SAFB: variants seen among roughly 807,000 people sequenced by gnomAD.
The protein encoded by SAFB is scaffold attachment factor B.
A neutral mutation model predicts 101.6 loss-of-function variants in SAFB; 15 were observed. The ratio of observed to expected loss-of-function variants is 0.15; its 90% CI spans 0.10 to 0.23. The LOEUF is 0.23. Ranked by LOEUF, SAFB falls within the 10% of genes least tolerant of loss-of-function variation. The pLI, the probability that SAFB is intolerant of heterozygous loss-of-function variation, is 1.00. For missense variants in SAFB, 930 were observed against 1,104.1 expected (o/e 0.84, Z 2.23); for synonymous variants, 449 against 407.5 (o/e 1.10, Z -1.23).
chr19:5,657,050 T>G (rs1181655072), intron 13 of SAFB, among the ~76,000 whole-genome samples, 191 bp from the exon 14 acceptor site: 1 of 151,782 alleles, frequency 6.6e-6, no homozygotes, highest in Admixed American at 6.6e-5. Flanking sequence ...GGATTACAGG[T>G]GTGAGCCACT....
chr19:5,656,725 C>T (rs1038242659), intron 13 of SAFB, among the ~76,000 whole-genome samples: 6 of 151,570 alleles, frequency 4.0e-5, no homozygotes, highest in Admixed American at 1.3e-4. Context: ...TACAAGCATG[C>T]GCCACCATGC....
chr19:5,623,985 T>C (rs1029849463), intron 1 of SAFB: 1 of 152,344 alleles, frequency 6.6e-6, no homozygotes, highest in Non-Finnish European at 1.5e-5. Flanking sequence ...CGGTACTCGC[T>C]CGGTGAAGTA....
intron 2 of SAFB, among the ~76,000 whole-genome samples, chr19:5,630,163 A>G (rs556256113): frequency 3.3e-5 from 5 of 152,348 alleles, no homozygotes; most frequent in African/African-American, 1.2e-4. Context: ...GTTGCCTGTT[A>G]TATAGAAGAA....
chr19:5,664,918 C>G, intron 17 of SAFB: 1 of 166,642 alleles, frequency 6.0e-6, no homozygotes, highest in African/African-American at 2.4e-5. Flanking sequence ...TGCTCATTCT[C>G]TTCGGGGGCT....
chr19:5,645,810 A>T (rs1216497715), intron 5 of SAFB, among the ~76,000 whole-genome samples: 1 of 152,144 alleles, frequency 6.6e-6, no homozygotes, highest in African/African-American at 2.4e-5. Flanking sequence ...TTGAGGGTTG[A>T]CAGAGCCCTG....
At chr19:5,660,266 C>T (rs988924028) in intron 14 of SAFB, among the ~76,000 whole-genome samples, 16 of 145,538 alleles carry the variant, frequency 1.1e-4, no homozygotes, top group Admixed American at 9.7e-4. Flanking sequence ...ACTTCTAATA[C>T]AATGAAAATG....
intron 11 of SAFB, 130 bp downstream of exon 11, chr19:5,653,550 C>T (rs2053987936): frequency 1.3e-6 from 1 of 744,138 alleles, no homozygotes; most frequent in Non-Finnish European, 2.2e-6. Context: ...CACCTCAACT[C>T]CACCTCCTGG....
chr19:5,647,933 T>C, intron 5 of SAFB, 83 bp from the exon 6 acceptor site: 1 of 1,256,638 alleles, frequency 8.0e-7, no homozygotes, highest in Non-Finnish European at 1.2e-6. Context: ...TAAAATTCCC[T>C]CTTTAGTTAT....
chr19:5,656,926 A>G (rs914553999), intron 13 of SAFB, among the ~76,000 whole-genome samples: 2 of 151,972 alleles, frequency 1.3e-5, no homozygotes, highest in African/African-American at 4.8e-5. Context: ...TCCCACCACT[A>G]TGCCCGGCTA....
intron 14 of SAFB, among the ~76,000 whole-genome samples, chr19:5,661,071 G>A (rs551901983): frequency 6.7e-6 from 1 of 149,990 alleles, no homozygotes; most frequent in South Asian, 2.1e-4. Flanking sequence ...GTGCGTGCGT[G>A]CCACCATGCC....
Position 5,667,822 on chromosome 19 carries a change from G to A in SAFB, c.2560G>A (p.Gly854Ser). The A allele has an allele frequency of 6.2e-7, 1 of 1,614,114 alleles. No individual in the cohort carries two copies. The highest frequency in any genetic ancestry group is 1.1e-5 in the South Asian group (1 of 91,074). The change falls in exon 20 of 21, where the codon GGC (glycine) becomes AGC (serine). Residue 854 changes from glycine to serine, a missense_variant and splice_region_variant. Around this residue, in one of 7 missense-constraint regions of SAFB, gnomAD observed 318 missense variants for 342.6 expected, o/e 0.93. Transcript: ENST00000588852. This position sits in a 1 kb window ranked among gnomAD's most constrained non-coding sequence, Gnocchi z 4.0. The stretch of plus-strand genomic sequence containing the variant: ...GTGAAAGCACGTCTGTCTTCCAGGT[G>A]GCGAGAGAAGCATGTCCGGTCACTC... The part of the protein sequence containing the change: ...MDRDHKRWQG[G>S]ERSMSGHSGP...
chr19:5,653,568 C>T, intron 11 of SAFB, 148 bp downstream of exon 11: 2 of 673,622 alleles, frequency 3.0e-6, no homozygotes, highest in Admixed American at 2.7e-5. Flanking sequence ...TGGGTTCAAG[C>T]AATTCTCCTG....
chr19:5,633,733 T>G (rs997194281), intron 2 of SAFB, among the ~76,000 whole-genome samples: 2 of 150,134 alleles, frequency 1.3e-5, no homozygotes, highest in African/African-American at 4.9e-5. Flanking sequence ...GAGCCGAGAT[T>G]GCGCCACTGC....
intron 14 of SAFB, among the ~76,000 whole-genome samples, chr19:5,660,782 C>T (rs2054181828): frequency 6.8e-6 from 1 of 147,364 alleles, no homozygotes; most frequent in Non-Finnish European, 1.5e-5. Context: ...GAGAAATGCA[C>T]TAAAATGTCA....
At chr19:5,642,706 A>G (rs2053749192) in intron 4 of SAFB, among the ~76,000 whole-genome samples, 1 of 112,582 alleles carries the variant, frequency 8.9e-6, no homozygotes, top group Admixed American at 1.4e-4. Context: ...GTTGTTGCCC[A>G]GGCTGGAGTG....
At chr19:5,662,039 C>T (rs2145488016) in intron 15 of SAFB, among the ~76,000 whole-genome samples, 1 of 152,274 alleles carries the variant, frequency 6.6e-6, no homozygotes, top group Non-Finnish European at 1.5e-5. Context: ...CGTTTGCCAC[C>T]TCTCCCGGCT....
intron 8 of SAFB, 134 bp downstream of exon 8, chr19:5,650,109 T>C (rs552281895): frequency 8.7e-6 from 6 of 690,454 alleles, no homozygotes; most frequent in Admixed American, 7.2e-5. Flanking sequence ...TCTTTCTCCT[T>C]CTCTGCTGTT....
intron 15 of SAFB, among the ~76,000 whole-genome samples, chr19:5,663,236 G>A (rs1013967840): frequency 2.6e-5 from 4 of 152,044 alleles, no homozygotes; most frequent in African/African-American, 9.7e-5. Context: ...CCTGACCTCA[G>A]GTGATCCACC....
chr19:5,638,132 C>G (rs2053631885), intron 2 of SAFB, among the ~76,000 whole-genome samples: 1 of 152,086 alleles, frequency 6.6e-6, no homozygotes, highest in Non-Finnish European at 1.5e-5. Context: ...GCCAGCATGC[C>G]TGCCCTTGTG....
Sources: allele counts gnomAD v4.1 joint callset (sites outside exome capture counted in the v4.1 genomes callset), GRCh38; gene constraint gnomAD v4.1.1; regional missense constraint gnomAD v4.1.1; non-coding constraint Gnocchi (gnomAD v3.1); transcripts MANE v1.5; gene names NCBI Gene and HGNC (gene_info 2026-07-23, HGNC 2026-07-21).